Variants in PTPRT observed in about 807,000 individuals in gnomAD.
The protein encoded by PTPRT is protein tyrosine phosphatase receptor type T.
A neutral mutation model predicts 176.8 loss-of-function variants in PTPRT; 56 were observed. The ratio of observed to expected loss-of-function variants is 0.32; its 90% CI spans 0.26 to 0.40. The LOEUF (loss-of-function observed/expected upper bound fraction) is 0.40, where lower values mean the gene tolerates loss of function less well. PTPRT is among the 10% of genes least tolerant of loss of function. The pLI, the probability that PTPRT is intolerant of heterozygous loss-of-function variation, is 1.00. For missense variants in PTPRT, 1,540 were observed against 1,908.2 expected (o/e 0.81, Z 3.60); for synonymous variants, 783 against 739.0 (o/e 1.06, Z -0.96).
intron 27 of PTPRT, among the ~76,000 whole-genome samples, chr20:42,094,384 CCTT>C (rs1984971041): frequency 6.6e-6 from 1 of 152,086 alleles, no homozygotes; most frequent in Admixed American, 6.6e-5. Flanking sequence ...CAGTTTCTAA[CCTT>C]CTATTGCTCA....
intron 7 of PTPRT, among the ~76,000 whole-genome samples, chr20:42,609,102 C>T (rs1174209195): frequency 6.6e-6 from 1 of 152,076 alleles, no homozygotes; most frequent in African/African-American, 2.4e-5. Flanking sequence ...GAGACAGAGT[C>T]TCCTTCTGTC....
chr20:42,463,170 T>G (rs1568901884), intron 8 of PTPRT, among the ~76,000 whole-genome samples: 1 of 151,396 alleles, frequency 6.6e-6, no homozygotes, highest in Non-Finnish European at 1.5e-5. Flanking sequence ...TTCCTTTGAT[T>G]AAACTAGGTC....
chr20:42,578,648 C>T (rs1204071011), intron 7 of PTPRT, among the ~76,000 whole-genome samples: 1 of 152,168 alleles, frequency 6.6e-6, no homozygotes, highest in Admixed American at 6.5e-5. Flanking sequence ...AATCTGTTGG[C>T]TGGATCTTAA....
intron 27 of PTPRT, among the ~76,000 whole-genome samples, chr20:42,087,435 GAC>G (rs1208690293): frequency 2.1e-5 from 3 of 141,108 alleles, no homozygotes; most frequent in Non-Finnish European, 4.8e-5. Flanking sequence ...TTTTAGTAGA[GAC>G]AGAGCCTCAC....
chr20:42,696,522 C>T (rs1356368312), intron 6 of PTPRT, among the ~76,000 whole-genome samples: 1 of 150,430 alleles, frequency 6.6e-6, no homozygotes, highest in Non-Finnish European at 1.5e-5. Flanking sequence ...GTGGCATGAT[C>T]TCGGCTCACT....
At chr20:42,177,041 C>T (rs569903658) in intron 16 of PTPRT, among the ~76,000 whole-genome samples, 3 of 152,324 alleles carry the variant, frequency 2.0e-5, no homozygotes, top group Admixed American at 1.3e-4. Flanking sequence ...CTGGTGTTAC[C>T]ACTAAATTAT....
At chr20:43,083,094 TC>T (rs1312659577) in intron 1 of PTPRT, among the ~76,000 whole-genome samples, 2 of 151,764 alleles carry the variant, frequency 1.3e-5, no homozygotes, top group African/African-American at 4.8e-5. Flanking sequence ...AAAGCCCTCT[TC>T]CCTGGCAATA....
chr20:42,222,555 T>A (rs972108570), intron 15 of PTPRT, among the ~76,000 whole-genome samples: 1 of 152,100 alleles, frequency 6.6e-6, no homozygotes, highest in Admixed American at 6.5e-5. Flanking sequence ...GGGTCCCACC[T>A]CATACCCAGG....
At chr20:42,290,002 CT>C (rs2057293116) in intron 12 of PTPRT, among the ~76,000 whole-genome samples, 1 of 152,024 alleles carries the variant, frequency 6.6e-6, no homozygotes, top group African/African-American at 2.4e-5. Flanking sequence ...AAGTCACTCT[CT>C]TGACCTTCTG....
chr20:43,146,578 C>G (rs2014175954), intron 1 of PTPRT, among the ~76,000 whole-genome samples: 1 of 151,914 alleles, frequency 6.6e-6, no homozygotes, highest in Non-Finnish European at 1.5e-5. Flanking sequence ...AAAAATCACC[C>G]CAAAACACAT....
At chr20:42,188,003 G>T (rs184642678) in intron 16 of PTPRT, among the ~76,000 whole-genome samples, 5 of 152,296 alleles carry the variant, frequency 3.3e-5, no homozygotes, top group Admixed American at 3.3e-4. Flanking sequence ...ACAAAATGCA[G>T]TGAACATTTA....
the PTPRT span, among the ~76,000 whole-genome samples, chr20:42,043,977 A>G: frequency 6.6e-6 from 1 of 152,172 alleles, no homozygotes; most frequent in African/African-American, 2.4e-5. Flanking sequence ...GAACAAGTAA[A>G]AATGATTTGT....
intron 9 of PTPRT, among the ~76,000 whole-genome samples, chr20:42,391,461 C>T (rs1403390038): frequency 6.6e-6 from 1 of 152,250 alleles, no homozygotes; most frequent in Non-Finnish European, 1.5e-5. Flanking sequence ...GTCCTGGCGG[C>T]CAAACTTAGT....
rs34099024 is a variant in PTPRT at position 42,756,595 on chromosome 20, C to T, written c.726G>A (p.Val242=). ...GRDTALMVTR[V]VNHRRFSATV... ...TGGCTGAGAAGCGCCTGTGGTTGAC[C>T]ACACGGGTGACCATCAGGGCCGTGT... The change falls in exon 6 of 31, where the codon GTG becomes GTA. Residue 242 remains valine (V), a synonymous_variant. Transcript: ENST00000373187. The T allele has an allele frequency of 2.2e-3, 3,612 of 1,609,612 alleles. 52 individuals are homozygous for T. The African/African-American group carries it at 0.037, about 17-fold the overall frequency.
intron 1 of PTPRT, among the ~76,000 whole-genome samples, chr20:43,057,615 A>G (rs1987296837): frequency 6.6e-6 from 1 of 152,232 alleles, no homozygotes; most frequent in Admixed American, 6.5e-5. Flanking sequence ...TTACCTTTAG[A>G]GAAAGCTGGG....
chr20:42,941,896 G>A (rs147933353), intron 1 of PTPRT, among the ~76,000 whole-genome samples: 37 of 152,208 alleles, frequency 2.4e-4, no homozygotes, highest in Middle Eastern at 3.4e-3. Context: ...TGCTTAAAAA[G>A]CATTGCTTTC....
At chr20:43,140,926 C>A (rs540330279) in intron 1 of PTPRT, among the ~76,000 whole-genome samples, 1 of 152,160 alleles carries the variant, frequency 6.6e-6, no homozygotes, top group Admixed American at 6.5e-5. Flanking sequence ...CACTACTAAT[C>A]CTGGTGTCTG....
chr20:42,596,852 A>C (rs1195743413), intron 7 of PTPRT, among the ~76,000 whole-genome samples: 1 of 152,204 alleles, frequency 6.6e-6, no homozygotes, highest in African/African-American at 2.4e-5. Context: ...ATTCACAAAA[A>C]TGGGAGCTCT....
chr20:42,574,880 C>T (rs6065513), intron 7 of PTPRT, among the ~76,000 whole-genome samples: 1 of 152,066 alleles, frequency 6.6e-6, no homozygotes, highest in Non-Finnish European at 1.5e-5. Context: ...GGCAGCTCCT[C>T]GTTTGTTCTC....
Sources: gnomAD v4.1 joint callset for allele counts (sites outside exome capture counted in the v4.1 genomes callset) on GRCh38, gnomAD v4.1.1 for gene constraint, MANE v1.5 for transcripts, NCBI Gene and HGNC (gene_info 2026-07-23, HGNC 2026-07-21) for gene names.